The following EPHX4 variants were observed in gnomAD, a reference collection of about 807,000 sequenced individuals.
EPHX4 encodes the protein abhydrolase domain containing 7.
Under a neutral mutation model 44.9 loss-of-function variants are expected in EPHX4, and 31 were observed. The ratio of observed to expected loss-of-function variants is 0.69; its 90% CI spans 0.52 to 0.93. The LOEUF (loss-of-function observed/expected upper bound fraction) is 0.93, where lower values mean the gene tolerates loss of function less well. EPHX4 is among the 40% of genes least tolerant of loss of function. The probability of loss-of-function intolerance (pLI) is 0.00; values close to 1 mark genes in which losing one functional copy is unlikely to be tolerated. For synonymous variants in EPHX4, 151 were observed against 159.7 expected (o/e 0.95, Z 0.41); for missense variants, 373 against 438.1 (o/e 0.85, Z 1.33).
At chr1:92,053,723 T>G (rs866705311) in intron 6 of EPHX4, among the ~76,000 whole-genome samples, 1 of 152,292 alleles carries the variant, frequency 6.6e-6, no homozygotes, top group Middle Eastern at 3.4e-3. Flanking sequence ...CTCCTGGATT[T>G]CTGGCATGTG....
At chr1:92,050,211 C>A (rs1248908725) in intron 4 of EPHX4, 106 bp from the exon 5 acceptor site, 7 of 699,524 alleles carry the variant, frequency 1.0e-5, no homozygotes, top group Non-Finnish European at 4.9e-6. Flanking sequence ...CTTATGGATT[C>A]TTTTATGGGA....
rs1030230237 is a variant in EPHX4, at chr1:92,045,455, A to G, written c.476-77A>G. ...TAATGAAAAGAGGTACTTCAGAAGTATAACTATTTTATGTGAGGTAACAGT... is the reference window on the plus strand; with the variant it reads ...TAATGAAAAGAGGTACTTCAGAAGTGTAACTATTTTATGTGAGGTAACAGT... On this transcript the variant is annotated intron_variant, in intron 3 of 6. Transcript: ENST00000370383. 5.2e-6 allele frequency: 8 copies of G among 1,528,484 alleles called. 1 individual carries two copies. The South Asian group carries it at 9.5e-5, about 18-fold the overall frequency. The allele number at this position is 1,528,484 out of a possible 1,614,324, so 94.7% of individuals were successfully genotyped here.
In EPHX4 at chr1:92,030,158, T is replaced by C; in HGVS notation, c.79T>C (p.Tyr27His). The C allele has an allele frequency of 1.9e-6, 3 of 1,612,836 alleles. No individual in the cohort carries two copies. In the South Asian group the frequency reaches 3.3e-5, roughly 18 times the overall value. Residue 27 changes from tyrosine (Y) to histidine (H), a missense_variant, in exon 1 of 7, where the codon TAC becomes CAC. Tyr to His is a moderately conservative substitution (Grantham distance 83). Transcript: ENST00000370383. The stretch of plus-strand genomic sequence containing the variant: ...GCTCTTCTGGTCCCTGGTCTACTGC[T>C]ACTGCGGGCTCTGCGCCTCCATCCA... ...SLLFWSLVYC[Y>H]CGLCASIHLL...
intron 3 of EPHX4, among the ~76,000 whole-genome samples, chr1:92,044,297 C>T (rs1023038): frequency 0.23 from 34,501 of 151,982 alleles, 4,091 homozygotes; most frequent in Middle Eastern, 0.27. Context: ...TGATTTTGAA[C>T]AATTATATTT....
intron 1 of EPHX4, among the ~76,000 whole-genome samples, 175 bp downstream of exon 1, chr1:92,030,485 T>TGTGTGTGTGTGTGTGTGTGTGTGAGA (rs1326928763): frequency 9.4e-5 from 13 of 138,720 alleles, no homozygotes; most frequent in African/African-American, 2.8e-4. Flanking sequence ...TGTGTGTGTG[T>TGTGTGTGTGTGTGTGTGTGTGTGAGA]GAGAGAGAGA....
chr1:92,052,361 T>C, intron 5 of EPHX4, 149 bp from the exon 6 acceptor site: 2 of 691,488 alleles, frequency 2.9e-6, no homozygotes, highest in East Asian at 2.8e-5. Context: ...AGAATATATA[T>C]GTATAAACAA....
chr1:92,057,579 G>A (rs1647397249), intron 6 of EPHX4, among the ~76,000 whole-genome samples: 1 of 151,476 alleles, frequency 6.6e-6, no homozygotes, highest in Non-Finnish European at 1.5e-5. Flanking sequence ...ATACATAGAA[G>A]CCTAGATGGT....
intron 1 of EPHX4, among the ~76,000 whole-genome samples, chr1:92,030,935 C>T (rs1688351179): frequency 6.6e-6 from 1 of 152,194 alleles, no homozygotes; most frequent in African/African-American, 2.4e-5. Context: ...GCCATGCCTG[C>T]AGACGCTAAT....
At chr1:92,056,011 G>A (rs954964726) in intron 6 of EPHX4, among the ~76,000 whole-genome samples, 1 of 152,062 alleles carries the variant, frequency 6.6e-6, no homozygotes, top group East Asian at 1.9e-4. Flanking sequence ...GAGAGAGAGG[G>A]AGAAAGAGAA....
chr1:92,047,251 A>G (rs988960536), intron 4 of EPHX4, among the ~76,000 whole-genome samples: 4 of 152,206 alleles, frequency 2.6e-5, no homozygotes, highest in African/African-American at 9.7e-5. Context: ...TTAAAAATGC[A>G]GCAAAAAATT....
intron 6 of EPHX4, among the ~76,000 whole-genome samples, chr1:92,059,386 C>G (rs114198145): frequency 0.026 from 3,968 of 151,894 alleles, 189 homozygotes; most frequent in African/African-American, 0.091. Context: ...GCGGTGAGCC[C>G]AGATCCGTCA....
chr1:92,052,769 T>C, intron 6 of EPHX4, 111 bp downstream of exon 6: 1 of 996,028 alleles, frequency 1.0e-6, no homozygotes, highest in South Asian at 2.3e-5. Flanking sequence ...TCAAATAAGG[T>C]ATTTTAATTT....
At chr1:92,031,224 G>T (rs1688355918) in intron 1 of EPHX4, among the ~76,000 whole-genome samples, 1 of 152,074 alleles carries the variant, frequency 6.6e-6, no homozygotes, top group South Asian at 2.1e-4. Context: ...GAAAAACTTA[G>T]AACAATGCCT....
chr1:92,042,573 T>A (rs1928000), intron 2 of EPHX4, among the ~76,000 whole-genome samples: 76,737 of 151,470 alleles, frequency 0.51, 19,931 homozygotes, highest in African/African-American at 0.64. Context: ...AAAATTTTTT[T>A]AATTAGCTGG....
At position 92,063,299 on chromosome 1, in the gene EPHX4, T is replaced by C. The variant is rs1289064023; in HGVS notation, c.*13T>C. The C allele has an allele frequency of 1.3e-6, 2 of 1,543,290 alleles. No homozygotes were observed. The highest frequency in any genetic ancestry group is 1.8e-6 in the Non-Finnish European group (2 of 1,134,518). On this transcript the variant is annotated 3_prime_UTR_variant, in exon 7 of 7. Transcript: ENST00000370383. ...AAAAAAAGATTGACTTTTCTTTATC[T>C]TCTATGAAGGGTCTGTAATGAAATC... is the stretch of plus-strand genomic sequence containing the variant.
chr1:92,054,302 A>T (rs949595436), intron 6 of EPHX4, among the ~76,000 whole-genome samples: 2 of 152,162 alleles, frequency 1.3e-5, no homozygotes, highest in Admixed American at 1.3e-4. Flanking sequence ...CATAATCCAA[A>T]TTTAAAAATA....
At chr1:92,041,343 T>G (rs1392707079) in intron 2 of EPHX4, among the ~76,000 whole-genome samples, 1 of 152,266 alleles carries the variant, frequency 6.6e-6, no homozygotes, top group Non-Finnish European at 1.5e-5. Context: ...GTTGTTTTAT[T>G]ATTAGATTAT....
At chr1:92,040,015 A>T (rs1688487907) in intron 2 of EPHX4, among the ~76,000 whole-genome samples, 1 of 151,968 alleles carries the variant, frequency 6.6e-6, no homozygotes, top group Admixed American at 6.6e-5. Flanking sequence ...TTTGTTGTTT[A>T]TTAACATTTT....
chr1:92,049,548 C>T (rs571339880), intron 4 of EPHX4, among the ~76,000 whole-genome samples: 3 of 152,280 alleles, frequency 2.0e-5, no homozygotes, highest in African/African-American at 7.2e-5. Context: ...GTCAAATATT[C>T]ATTGAATGAA....
Sources: gnomAD v4.1 joint callset for allele counts (sites outside exome capture counted in the v4.1 genomes callset) on GRCh38, gnomAD v4.1.1 for gene constraint, MANE v1.5 for transcripts, NCBI Gene and HGNC (gene_info 2026-07-23, HGNC 2026-07-21) for gene names.